HNF4G: variants seen among roughly 807,000 people sequenced by gnomAD.
HNF4G encodes hepatocyte nuclear factor 4-gamma.
HNF4G carries 21 observed loss-of-function variants against 50.9 expected under a neutral mutation model. The ratio of observed to expected loss-of-function variants is 0.41; its 90% CI spans 0.29 to 0.59. The LOEUF (loss-of-function observed/expected upper bound fraction) is 0.59. HNF4G is among the 20% of genes least tolerant of loss of function. The pLI, the probability that HNF4G is intolerant of heterozygous loss-of-function variation, is 0.26. For missense variants in HNF4G, 527 were observed against 559.4 expected (o/e 0.94, Z 0.58); for synonymous variants, 198 against 185.6 (o/e 1.07, Z -0.54).
chr8:75,463,649 T>C (rs777335565), intron 1 of HNF4G, among the ~76,000 whole-genome samples: 3 of 152,176 alleles, frequency 2.0e-5, no homozygotes, highest in Non-Finnish European at 4.4e-5. Flanking sequence ...AGGTATTAAT[T>C]CTCCTACTCA....
intron 2 of HNF4G, among the ~76,000 whole-genome samples, chr8:75,522,044 G>A (rs1201147170): frequency 2.6e-5 from 4 of 152,150 alleles, no homozygotes; most frequent in Admixed American, 6.5e-5. Flanking sequence ...ATTGGGACAC[G>A]TTTCCTTTGC....
At chr8:75,475,363 C>A (rs2130643404) in intron 1 of HNF4G, among the ~76,000 whole-genome samples, 1 of 152,244 alleles carries the variant, frequency 6.6e-6, no homozygotes, top group South Asian at 2.1e-4. Flanking sequence ...TAAAAGGAAG[C>A]CAAATAGTAC....
chr8:75,508,038 C>A (rs1027539425), intron 2 of HNF4G, among the ~76,000 whole-genome samples: 2 of 149,742 alleles, frequency 1.3e-5, no homozygotes, highest in African/African-American at 4.9e-5. Flanking sequence ...AAGATAAAAG[C>A]GAGAAGAAAA....
intron 1 of HNF4G, among the ~76,000 whole-genome samples, chr8:75,463,727 G>A (rs1452569299): frequency 7.0e-6 from 1 of 143,772 alleles, no homozygotes. Flanking sequence ...TATATTTACA[G>A]TTTTCCTATA....
At chr8:75,448,350 A>G (rs1306031041) in intron 1 of HNF4G, among the ~76,000 whole-genome samples, 4 of 148,314 alleles carry the variant, frequency 2.7e-5, no homozygotes, top group Non-Finnish European at 4.5e-5. Flanking sequence ...GAGTTGGTGC[A>G]GCGCACCAGC....
intron 1 of HNF4G, among the ~76,000 whole-genome samples, chr8:75,413,572 T>TA (rs200492419): frequency 2.0e-5 from 3 of 151,460 alleles, no homozygotes; most frequent in South Asian, 2.1e-4. Context: ...GGGATACCTA[T>TA]AAAAAAAAAT....
chr8:75,462,118 T>A (rs1032581324), intron 1 of HNF4G, among the ~76,000 whole-genome samples: 2 of 151,918 alleles, frequency 1.3e-5, no homozygotes, highest in African/African-American at 2.4e-5. Context: ...GGTTTCTCCA[T>A]GTTGGTCAGG....
In HNF4G at chr8:75,564,243, G is replaced by A. The variant is rs542017780; in HGVS notation, c.*147G>A. On this transcript the variant is annotated 3_prime_UTR_variant, in exon 10 of 10. Transcript: ENST00000396423. The stretch of plus-strand genomic sequence containing the variant: ...TGGTGTCCTATTTTCTTGTTTATAC[G>A]TTCATTCTGTTTGTTATTGCTACTA... 11 of 728,232 alleles carry A rather than the reference G, an allele frequency of 1.5e-5. No homozygotes were observed. Among genetic ancestry groups the A allele is most frequent in the South Asian group, 5.9e-5 (3 of 50,718 alleles). The allele number at this position is 728,232 out of a possible 1,614,324, so 45.1% of individuals were successfully genotyped here.
intron 1 of HNF4G, among the ~76,000 whole-genome samples, chr8:75,478,306 T>C (rs927164098): frequency 3.3e-5 from 5 of 152,180 alleles, no homozygotes; most frequent in Non-Finnish European, 7.3e-5. Flanking sequence ...AAATGGAATT[T>C]AAATAGTATT....
chr8:75,449,509 CTTTTT>C (rs71271864), intron 1 of HNF4G, among the ~76,000 whole-genome samples: 6 of 129,334 alleles, frequency 4.6e-5, no homozygotes, highest in Non-Finnish European at 9.5e-5. Flanking sequence ...ATATTTTTTT[CTTTTT>C]TTTTTTTTTT....
At chr8:75,521,576 A>T (rs1217085091) in intron 2 of HNF4G, among the ~76,000 whole-genome samples, 1 of 152,152 alleles carries the variant, frequency 6.6e-6, no homozygotes, top group African/African-American at 2.4e-5. Context: ...ATGTTCTAAT[A>T]GTCCTGAATT....
chr8:75,526,211 C>A (rs2130756128), intron 2 of HNF4G, among the ~76,000 whole-genome samples: 1 of 151,952 alleles, frequency 6.6e-6, no homozygotes, highest in East Asian at 1.9e-4. Context: ...TCACTGAAAC[C>A]TCAATCTCCC....
intron 1 of HNF4G, among the ~76,000 whole-genome samples, chr8:75,488,411 C>CT (rs1812543513): frequency 6.6e-6 from 1 of 151,866 alleles, no homozygotes; most frequent in African/African-American, 2.4e-5. Context: ...GTTGCCGGGA[C>CT]TACAGGCGTG....
chr8:75,489,128 T>C (rs556211148), intron 1 of HNF4G, among the ~76,000 whole-genome samples: 2 of 152,332 alleles, frequency 1.3e-5, no homozygotes, highest in African/African-American at 4.8e-5. Context: ...GCCACGCATA[T>C]ATTCACCTGC....
At chr8:75,480,566 C>G (rs1812351676) in intron 1 of HNF4G, among the ~76,000 whole-genome samples, 1 of 151,920 alleles carries the variant, frequency 6.6e-6, no homozygotes, top group African/African-American at 2.4e-5. Flanking sequence ...AATATTTTAC[C>G]ATATTTTCCA....
intron 1 of HNF4G, among the ~76,000 whole-genome samples, chr8:75,434,826 T>A (rs1811099142): frequency 1.3e-5 from 2 of 152,182 alleles, no homozygotes; most frequent in South Asian, 4.1e-4. Flanking sequence ...AAATAGTAGT[T>A]GTATCCACAA....
intron 4 of HNF4G, 112 bp from the exon 5 acceptor site, chr8:75,552,927 TAAC>T (rs1807002439): frequency 1.6e-6 from 1 of 608,736 alleles, no homozygotes; most frequent in African/African-American, 1.9e-5. Flanking sequence ...CAAGATACTG[TAAC>T]AACAATAGTG....
intron 2 of HNF4G, among the ~76,000 whole-genome samples, chr8:75,490,423 GC>G (rs1812598472): frequency 6.6e-6 from 1 of 151,998 alleles, no homozygotes; most frequent in Admixed American, 6.6e-5. Flanking sequence ...TTATGACTAT[GC>G]CTTTTGTCAT....
In HNF4G at chr8:75,466,570, CTCCTTCCTTCCTTCCT is replaced by C. The variant is rs542246055; in HGVS notation, c.-143-23468_-143-23453del. ...CTCCTTCTTCTCTTCTCTTTTCTCG[CTCCTTCCTTCCTTCCT>C]TCCTTCCTTCCTTCCTTCCTTCCTT... On this transcript the variant is annotated intron_variant, in intron 1 of 10. Coordinates refer to the HNF4G transcript ENST00000354370. Among the ~76,000 whole-genome samples, 218 of 64,914 alleles carry C rather than the reference CTCCTTCCTTCCTTCCT, an allele frequency of 3.4e-3. 13 individuals carry two copies. The highest frequency in any genetic ancestry group is 4.0e-3 in the African/African-American group (70 of 17,484). 42.6% of individuals were successfully genotyped at this position (64,914 alleles called of 152,430 possible).
Sources: gnomAD v4.1 joint callset for allele counts (sites outside exome capture counted in the v4.1 genomes callset) on GRCh38, gnomAD v4.1.1 for gene constraint, MANE v1.5 for transcripts, NCBI Gene and HGNC (gene_info 2026-07-23, HGNC 2026-07-21) for gene names.